SEMA4D: variants seen among roughly 807,000 people sequenced by gnomAD.
SEMA4D encodes the protein semaphorin-4D.
A neutral mutation model predicts 74.8 loss-of-function variants in SEMA4D; 22 were observed. That is an observed-to-expected ratio of 0.29 (90% CI 0.21 to 0.42). SEMA4D has a LOEUF of 0.42. Ranked by LOEUF, SEMA4D falls within the 10% of genes least tolerant of loss-of-function variation. SEMA4D has a pLI of 1.00. For synonymous variants in SEMA4D, 445 were observed against 463.7 expected (o/e 0.96, Z 0.52); for missense variants, 937 against 1,118.4 (o/e 0.84, Z 2.31).
chr9:89,412,638 C>T (rs903650101), intron 2 of SEMA4D, among the ~76,000 whole-genome samples: 2 of 152,122 alleles, frequency 1.3e-5, no homozygotes, highest in Admixed American at 6.5e-5. Context: ...GATTTATATC[C>T]AGGTCTGCAG....
At chr9:89,456,731 C>T (rs1055261902) in intron 1 of SEMA4D, among the ~76,000 whole-genome samples, 2 of 152,152 alleles carry the variant, frequency 1.3e-5, no homozygotes, top group Admixed American at 6.5e-5. Context: ...AGCTTAAAGG[C>T]ACATGCCACC....
chr9:89,463,919 G>A (rs1205595045), intron 1 of SEMA4D, among the ~76,000 whole-genome samples: 1 of 142,898 alleles, frequency 7.0e-6, no homozygotes, highest in African/African-American at 2.6e-5. Context: ...GGGTGACAGA[G>A]CAAGACTCCG....
At chr9:89,416,666 G>C (rs1049891081) in intron 2 of SEMA4D, among the ~76,000 whole-genome samples, 2 of 152,142 alleles carry the variant, frequency 1.3e-5, no homozygotes, top group Non-Finnish European at 2.9e-5. Flanking sequence ...TGTTAACAGT[G>C]GTCGCTTATA....
Position 89,454,280 on chromosome 9 carries a change from T to C in SEMA4D, c.-244+1608A>G, listed in dbSNP as rs544166459. On this transcript the variant is annotated intron_variant, in intron 2 of 15. Coordinates refer to ENST00000422704, the MANE Select transcript of SEMA4D (RefSeq NM_001371194.2). The stretch of plus-strand genomic sequence containing the variant: ...ACTTACATATCCTGCCTCTTACAGC[T>C]AAAGTCACATCTTGAAACGCCTTCT... Among the ~76,000 whole-genome samples the C allele has an allele frequency of 1.4e-4, 22 of 152,286 alleles. 1 individual carries two copies. The South Asian group carries it at 4.1e-3, about 29-fold the overall frequency.
intron 13 of SEMA4D, chr9:89,384,735 G>GT (rs1160701068): frequency 9.1e-6 from 9 of 985,336 alleles, no homozygotes; most frequent in Non-Finnish European, 1.1e-5. Context: ...CTCCCCAGCT[G>GT]TAGGACAGGG....
intron 2 of SEMA4D, among the ~76,000 whole-genome samples, chr9:89,422,627 T>C (rs1587769995): frequency 6.6e-6 from 1 of 152,248 alleles, no homozygotes; most frequent in African/African-American, 2.4e-5. Context: ...GTCACGGCTG[T>C]GCAATATTCC....
intron 2 of SEMA4D, among the ~76,000 whole-genome samples, chr9:89,423,057 A>G (rs1195988536): frequency 3.3e-5 from 5 of 152,218 alleles, no homozygotes; most frequent in African/African-American, 9.7e-5. Context: ...TAACTGGGAA[A>G]TAATCACACA....
intron 18 of SEMA4D, chr9:89,363,360 C>G (rs1314602758): frequency 1.3e-6 from 2 of 1,591,668 alleles, no homozygotes; most frequent in Non-Finnish European, 1.7e-6. Flanking sequence ...CTTGAAAGAT[C>G]CACTGGATGT....
chr9:89,439,075 G>A (rs932387863), intron 2 of SEMA4D, among the ~76,000 whole-genome samples: 3 of 134,012 alleles, frequency 2.2e-5, no homozygotes, highest in Non-Finnish European at 3.1e-5. Flanking sequence ...TCTGCCTCCC[G>A]GATTCCAGCG....
At chr9:89,486,375 A>G (rs1284314805) in intron 1 of SEMA4D, among the ~76,000 whole-genome samples, 1 of 152,154 alleles carries the variant, frequency 6.6e-6, no homozygotes, top group African/African-American at 2.4e-5. Context: ...GAGTTATGAA[A>G]ATTTTCCATA....
chr9:89,375,916 T>G (rs1588140426), downstream of SEMA4D, among the ~76,000 whole-genome samples: 1 of 152,132 alleles, frequency 6.6e-6, no homozygotes, highest in Non-Finnish European at 1.5e-5. Flanking sequence ...TAGGCTGGAG[T>G]GCAGTGGCAC....
At chr9:89,437,979 G>A (rs7041088) in intron 2 of SEMA4D, among the ~76,000 whole-genome samples, 26,482 of 152,202 alleles carry the variant, frequency 0.17, 2,754 homozygotes, top group Middle Eastern at 0.27. Flanking sequence ...CGCCCTTCTC[G>A]CTGGAAGATT....
chr9:89,416,164 G>A (rs1845662294), intron 2 of SEMA4D, among the ~76,000 whole-genome samples: 1 of 152,216 alleles, frequency 6.6e-6, no homozygotes, highest in African/African-American at 2.4e-5. Flanking sequence ...TGCTGGGAAG[G>A]TGTGGGGTAA....
chr9:89,441,628 C>T (rs746770273), intron 2 of SEMA4D, among the ~76,000 whole-genome samples: 9 of 152,228 alleles, frequency 5.9e-5, no homozygotes, highest in Non-Finnish European at 1.3e-4. Flanking sequence ...GGACCAATTC[C>T]CCACCACCCC....
intron 2 of SEMA4D, among the ~76,000 whole-genome samples, chr9:89,411,850 C>T (rs987310882): frequency 6.6e-6 from 1 of 152,208 alleles, no homozygotes; most frequent in African/African-American, 2.4e-5. Context: ...GATTGTTCAC[C>T]GCAAAGCCGA....
At chr9:89,449,739 G>A (rs1222220281) in intron 2 of SEMA4D, 10 of 1,518,878 alleles carry the variant, frequency 6.6e-6, no homozygotes, top group Non-Finnish European at 9.1e-6. Context: ...GCAAGAAACA[G>A]GGAAAATCTT....
At chr9:89,446,842 C>G (rs58126907) in intron 2 of SEMA4D, among the ~76,000 whole-genome samples, 2,127 of 152,296 alleles carry the variant, frequency 0.014, 45 homozygotes, top group African/African-American at 0.048. Flanking sequence ...GCACCCAGGC[C>G]TCAGGCGGGC....
chr9:89,379,551 T>C lies in SEMA4D; in HGVS notation c.1742A>G (p.Asn581Ser), dbSNP rs891292258. 20 of 1,614,042 alleles carry C rather than the reference T, an allele frequency of 1.2e-5. No homozygotes were observed. The African/African-American group carries it at 2.0e-4, about 16-fold the overall frequency. ...TAELKCSQKS[N>S]LARVFWKFQN... ...GAACTTCCAAAAGACCCGGGCCAGGTTGGATTTTTGGGAGCATTTCAGTTC... is the reference window on the plus strand; with the variant it reads ...GAACTTCCAAAAGACCCGGGCCAGGCTGGATTTTTGGGAGCATTTCAGTTC... Residue 581 changes from asparagine to serine, a missense_variant, in exon 16 of 16, where the codon AAC becomes AGC. By Grantham distance (46) the Asn-to-Ser change is conservative. Coordinates refer to ENST00000422704, the MANE Select transcript of SEMA4D (RefSeq NM_001371194.2).
At chr9:89,393,837 G>C (rs1840354149) in intron 6 of SEMA4D, among the ~76,000 whole-genome samples, 182 bp from the exon 7 acceptor site, 1 of 152,228 alleles carries the variant, frequency 6.6e-6, no homozygotes, top group Non-Finnish European at 1.5e-5. Flanking sequence ...GCTCAGCTCA[G>C]GTCTAGACAT....
Sources: gnomAD v4.1 joint callset for allele counts (sites outside exome capture counted in the v4.1 genomes callset) on GRCh38, gnomAD v4.1.1 for gene constraint, MANE v1.5 for transcripts, NCBI Gene and HGNC (gene_info 2026-07-23, HGNC 2026-07-21) for gene names.